The following IKZF3 variants were observed in gnomAD, a reference collection of about 807,000 sequenced individuals.
IKZF3 encodes zinc finger protein Aiolos.
A neutral mutation model predicts 49.0 loss-of-function variants in IKZF3; 10 were observed. The ratio of observed to expected loss-of-function variants is 0.20; its 90% CI spans 0.13 to 0.35. IKZF3 has a LOEUF of 0.35. Among genes scored for constraint, IKZF3 ranks in the 10% least tolerant of loss-of-function variants. IKZF3 has a pLI of 1.00. For synonymous variants in IKZF3, 209 were observed against 228.2 expected, an observed-to-expected ratio of 0.92 and a Z score of 0.76; for missense variants, 498 against 664.8, an observed-to-expected ratio of 0.75 and a Z score of 2.76.
At chr17:39,832,351 C>G (rs2062134009) in intron 1 of IKZF3, among the ~76,000 whole-genome samples, 200 bp from the exon 2 acceptor site, 1 of 151,776 alleles carries the variant, frequency 6.6e-6, no homozygotes, top group South Asian at 2.1e-4. Flanking sequence ...AGCAATGTTA[C>G]TCTAAGAACT....
chr17:39,785,629 G>T (rs549731700), intron 6 of IKZF3, among the ~76,000 whole-genome samples: 121 of 152,238 alleles, frequency 7.9e-4, no homozygotes, highest in Non-Finnish European at 6.9e-4. Context: ...TTTATAGAGT[G>T]TAGTTTTCTG....
intron 3 of IKZF3, among the ~76,000 whole-genome samples, chr17:39,825,791 C>T (rs1369921327): frequency 6.6e-6 from 1 of 152,118 alleles, no homozygotes; most frequent in Non-Finnish European, 1.5e-5. Flanking sequence ...TCAACGAAGT[C>T]TTGGGTGATG....
chr17:39,781,955 T>C (rs975023938), intron 6 of IKZF3, among the ~76,000 whole-genome samples: 1 of 152,164 alleles, frequency 6.6e-6, no homozygotes, highest in Non-Finnish European at 1.5e-5. Context: ...ACAACTCCGA[T>C]TAGATTGAAA....
rs573855533 is a variant in IKZF3 at position 39,775,118 on chromosome 17, T to G, written c.826+2533A>C. ...TTCTGTGATTGGTCTAAACACACAG[T>G]TAAGAAATGACAGAGCTAGGATCAG... On this transcript the variant is annotated intron_variant, in intron 7 of 7. Coordinates refer to ENST00000346872, the MANE Select transcript of IKZF3 (RefSeq NM_012481.5). Among the ~76,000 whole-genome samples the G allele has an allele frequency of 1.3e-4, 20 of 152,170 alleles. No individual in the cohort carries two copies. The South Asian group carries it at 4.0e-3, about 30-fold the overall frequency.
intron 3 of IKZF3, among the ~76,000 whole-genome samples, chr17:39,816,682 C>T (rs1415015286): frequency 6.6e-6 from 1 of 152,226 alleles, no homozygotes; most frequent in African/African-American, 2.4e-5. Context: ...GGATCACAAG[C>T]AAGCGTATTT....
chr17:39,774,427 T>TGAGGTGAGGC (rs1186586317), intron 7 of IKZF3, among the ~76,000 whole-genome samples: 1 of 150,668 alleles, frequency 6.6e-6, no homozygotes, highest in African/African-American at 2.4e-5. Flanking sequence ...AGAGGAGAGG[T>TGAGGTGAGGC]GAGGTGAGGC....
In IKZF3 at chr17:39,832,185, T is replaced by C. The variant is rs745503417; in HGVS notation, c.8-34A>G. The C allele has an allele frequency of 3.3e-6, 5 of 1,506,654 alleles. No homozygotes were observed. The African/African-American group carries it at 6.9e-5, about 21-fold the overall frequency. 93.3% of individuals were successfully genotyped at this position (1,506,654 alleles called of 1,614,324 possible). On this transcript the variant is annotated intron_variant, in intron 1 of 7. Coordinates refer to ENST00000346872, the MANE Select transcript of IKZF3 (RefSeq NM_012481.5). ...AAAGAGGTTATAAATATTAGCTACT[T>C]AGGGTACATTTCTACAGGTTTGAGC...
intron 6 of IKZF3, among the ~76,000 whole-genome samples, chr17:39,782,942 T>C (rs961332736): frequency 1.3e-5 from 2 of 152,242 alleles, no homozygotes; most frequent in African/African-American, 4.8e-5. Flanking sequence ...CAAAGTCACA[T>C]TTACAGATTA....
intron 6 of IKZF3, among the ~76,000 whole-genome samples, chr17:39,779,193 G>A (rs1463645112): frequency 6.6e-6 from 1 of 152,182 alleles, no homozygotes; most frequent in African/African-American, 2.4e-5. Context: ...AGGCACGGTG[G>A]CTCACGTCTA....
At chr17:39,852,887 C>T (rs367713106) in intron 1 of IKZF3, among the ~76,000 whole-genome samples, 9 of 152,278 alleles carry the variant, frequency 5.9e-5, no homozygotes, top group African/African-American at 1.9e-4. Context: ...AGGAGAATCG[C>T]TTGAACCCCA....
chr17:39,782,421 A>G (rs1043547471), intron 6 of IKZF3, among the ~76,000 whole-genome samples: 4 of 151,942 alleles, frequency 2.6e-5, no homozygotes, highest in African/African-American at 9.7e-5. Flanking sequence ...CAACACACAC[A>G]CACACACACA....
intron 1 of IKZF3, among the ~76,000 whole-genome samples, chr17:39,834,559 T>C (rs1272869365): frequency 1.3e-5 from 2 of 152,210 alleles, no homozygotes; most frequent in African/African-American, 4.8e-5. Context: ...AGCTAACTTG[T>C]TATTGAAGTC....
intron 1 of IKZF3, among the ~76,000 whole-genome samples, chr17:39,861,919 A>G (rs2063224918): frequency 6.6e-6 from 1 of 152,192 alleles, no homozygotes. Flanking sequence ...ACTTAGAAAA[A>G]TCTTTACTCA....
chr17:39,864,218 G>A lies in IKZF3; in HGVS notation c.-92C>T. Reference sequence around the variant, plus strand: ...GCCTGGACTCAGCGCGCAGCTGGCGGGAGATTCCCGGCGCGGGGAGTCCCC... The same window carrying A: ...GCCTGGACTCAGCGCGCAGCTGGCGAGAGATTCCCGGCGCGGGGAGTCCCC... On this transcript the variant is annotated 5_prime_UTR_variant, in exon 1 of 8. Coordinates refer to ENST00000346872, the MANE Select transcript of IKZF3 (RefSeq NM_012481.5). 1.4e-6 allele frequency: 2 copies of A among 1,455,568 alleles called. No individual in the cohort carries two copies. Among genetic ancestry groups the A allele is most frequent in the East Asian group, 2.5e-5 (1 of 40,000 alleles). 90.2% of individuals were successfully genotyped at this position (1,455,568 alleles called of 1,614,324 possible). A position where few individuals can be genotyped will look rare whatever the true frequency, so the allele number is the denominator to read the frequency against.
chr17:39,814,083 A>T lies in IKZF3; in HGVS notation c.163+15304T>A, dbSNP rs558130734. On this transcript the variant is annotated intron_variant, in intron 3 of 7. Coordinates refer to ENST00000346872, the MANE Select transcript of IKZF3 (RefSeq NM_012481.5). ...AAAGTAGTTTGTACTTCTTCTAAGC[A>T]CCAAAGAGTTGTACACCTCAAAAGG... is the stretch of plus-strand genomic sequence containing the variant. 2.0e-3 allele frequency among the ~76,000 whole-genome samples: 311 copies of T among 152,314 alleles called. 1 individual carries two copies. Among genetic ancestry groups the T allele is most frequent in the Non-Finnish European group, 3.3e-3 (223 of 68,038 alleles).
In IKZF3 at chr17:39,766,594, C is replaced by T; in HGVS notation, c.827-101G>A. 3.0e-6 allele frequency: 3 copies of T among 988,782 alleles called. No homozygotes were observed. In the South Asian group the frequency reaches 4.8e-5, roughly 16 times the overall value. The allele number at this position is 988,782 out of a possible 1,614,324, so 61.3% of individuals were successfully genotyped here. ...TCAAAAAGGGAGGAGAGTTAAGTTG[C>T]CTGCTGCTCAAGAAGACCAAGCCTG... On this transcript the variant is annotated intron_variant, in intron 7 of 7. Transcript: ENST00000346872.
intron 3 of IKZF3, among the ~76,000 whole-genome samples, chr17:39,827,082 C>T (rs950214582): frequency 1.3e-5 from 2 of 152,170 alleles, no homozygotes; most frequent in Non-Finnish European, 2.9e-5. Context: ...ACTGCAACTT[C>T]TGCCTCCCGA....
intron 1 of IKZF3, among the ~76,000 whole-genome samples, chr17:39,863,231 T>G (rs1372366091): frequency 1.3e-5 from 2 of 152,208 alleles, no homozygotes; most frequent in African/African-American, 4.8e-5. Flanking sequence ...GTTTTTGATA[T>G]TTTAACAACT....
chr17:39,826,427 T>C (rs1484690926), intron 3 of IKZF3, among the ~76,000 whole-genome samples: 1 of 152,204 alleles, frequency 6.6e-6, no homozygotes, highest in Non-Finnish European at 1.5e-5. Context: ...CAAATCAGCT[T>C]GGTGAGCTGA....
Sources: allele counts gnomAD v4.1 joint callset (sites outside exome capture counted in the v4.1 genomes callset), GRCh38; gene constraint gnomAD v4.1.1; transcripts MANE v1.5; gene names NCBI Gene and HGNC (gene_info 2026-07-23, HGNC 2026-07-21).